The following TAF1B variants were observed in gnomAD, a reference collection of about 807,000 sequenced individuals.
The protein encoded by TAF1B is TATA-box binding protein associated factor, RNA polymerase I subunit B.
Under a neutral mutation model 83.9 loss-of-function variants are expected in TAF1B, and 61 were observed. The ratio of observed to expected loss-of-function variants is 0.73; its 90% CI spans 0.59 to 0.90. The LOEUF is 0.90. Among genes scored for constraint, TAF1B ranks in the 40% least tolerant of loss-of-function variants. The probability of loss-of-function intolerance (pLI) is 0.00; values close to 1 mark genes in which losing one functional copy is unlikely to be tolerated. For missense variants in TAF1B, 625 were observed against 677.0 expected, an observed-to-expected ratio of 0.92 and a Z score of 0.85; for synonymous variants, 221 against 224.6, an observed-to-expected ratio of 0.98 and a Z score of 0.14.
intron 5 of TAF1B, among the ~76,000 whole-genome samples, chr2:9,867,687 ACT>A (rs79862758): frequency 0.18 from 27,247 of 151,972 alleles, 3,092 homozygotes; most frequent in East Asian, 0.31. Flanking sequence ...TTTTAGGGAC[ACT>A]CTGTTGTTTC....
chr2:9,886,058 T>A (rs944022491), intron 8 of TAF1B, among the ~76,000 whole-genome samples: 1 of 152,160 alleles, frequency 6.6e-6, no homozygotes, highest in Non-Finnish European at 1.5e-5. Flanking sequence ...GTAAACCTAT[T>A]CTTCATTAGG....
At chr2:9,855,227 G>A (rs1026987187) in intron 5 of TAF1B, among the ~76,000 whole-genome samples, 2 of 152,116 alleles carry the variant, frequency 1.3e-5, no homozygotes, top group Admixed American at 6.6e-5. Flanking sequence ...GCTCCTGACC[G>A]CAGATGATCC....
intron 14 of TAF1B, among the ~76,000 whole-genome samples, chr2:9,921,154 C>T (rs947738855): frequency 2.0e-5 from 3 of 152,142 alleles, no homozygotes; most frequent in Non-Finnish European, 4.4e-5. Context: ...TACAGTGGCA[C>T]GATAATGGCT....
intron 7 of TAF1B, among the ~76,000 whole-genome samples, chr2:9,881,458 C>T (rs1664505547): frequency 1.3e-5 from 2 of 152,112 alleles, no homozygotes; most frequent in Admixed American, 6.5e-5. Flanking sequence ...AGCTCACTTT[C>T]CTTAATTTTC....
At chr2:9,851,472 G>A in intron 3 of TAF1B, 69 bp from the exon 4 acceptor site, 6 of 1,193,344 alleles carry the variant, frequency 5.0e-6, no homozygotes, top group Non-Finnish European at 7.0e-6. Context: ...AACACAAATT[G>A]TAACTGTAGT....
intron 9 of TAF1B, among the ~76,000 whole-genome samples, chr2:9,908,933 C>G (rs770474198): frequency 6.6e-6 from 1 of 152,128 alleles, no homozygotes; most frequent in Non-Finnish European, 1.5e-5. Context: ...CTTAAGTACC[C>G]AGAACACACT....
intron 6 of TAF1B, among the ~76,000 whole-genome samples, chr2:9,873,390 T>C (rs1664227752): frequency 6.6e-6 from 1 of 152,212 alleles, no homozygotes; most frequent in Non-Finnish European, 1.5e-5. Flanking sequence ...GGGTCATTCC[T>C]AGTCCTGCTG....
intron 5 of TAF1B, among the ~76,000 whole-genome samples, chr2:9,865,792 A>G (rs1663953589): frequency 6.6e-6 from 1 of 151,600 alleles, no homozygotes; most frequent in Non-Finnish European, 1.5e-5. Context: ...CATATCTACA[A>G]CTATCTGATC....
intron 14 of TAF1B, among the ~76,000 whole-genome samples, chr2:9,921,226 G>A (rs1248214895): frequency 6.6e-6 from 1 of 152,038 alleles, no homozygotes; most frequent in Non-Finnish European, 1.5e-5. Context: ...CAAGTAGCTG[G>A]AACTACACGT....
chr2:9,894,802 G>A (rs1404793814), intron 8 of TAF1B, among the ~76,000 whole-genome samples: 1 of 152,154 alleles, frequency 6.6e-6, no homozygotes, highest in Non-Finnish European at 1.5e-5. Flanking sequence ...TGCTGCAAGA[G>A]TAATCACATG....
chr2:9,924,579 G>A (rs1376641641), intron 14 of TAF1B, among the ~76,000 whole-genome samples: 1 of 152,156 alleles, frequency 6.6e-6, no homozygotes, highest in Middle Eastern at 3.2e-3. Context: ...CCTTCGTGGT[G>A]GGTTTTATTA....
chr2:9,895,723 G>C (rs1664996793), intron 8 of TAF1B, among the ~76,000 whole-genome samples: 1 of 150,970 alleles, frequency 6.6e-6, no homozygotes, highest in African/African-American at 2.4e-5. Flanking sequence ...ATAACAGTTT[G>C]GTTTAACAGG....
chr2:9,920,603 C>A (rs1173035412), intron 14 of TAF1B, among the ~76,000 whole-genome samples: 1 of 151,512 alleles, frequency 6.6e-6, no homozygotes, highest in Admixed American at 6.6e-5. Context: ...TCCATTTGCC[C>A]CTCAGGTGTT....
intron 12 of TAF1B, among the ~76,000 whole-genome samples, chr2:9,916,725 T>G (rs2125176751): frequency 6.6e-6 from 1 of 152,230 alleles, no homozygotes; most frequent in South Asian, 2.1e-4. Flanking sequence ...ATTTTAAATG[T>G]GGTATGGTTC....
chr2:9,868,411 A>G lies in TAF1B; in HGVS notation c.535A>G (p.Ser179Gly). Reference protein sequence around the residue: ...DIHTRKPFPVSKASQSETSVC... With the variant: ...DIHTRKPFPVGKASQSETSVC... ...CCACACTCGAAAACCTTTCCCCGTC[A>G]GCAAAGCATCACAATCAGGTAAAAA... The change falls in exon 6 of 15, where the codon AGC (serine) becomes GGC (glycine). Residue 179 changes from serine (S) to glycine (G), a missense_variant. Coordinates refer to ENST00000263663, the MANE Select transcript of TAF1B (RefSeq NM_005680.3). The G allele has an allele frequency of 6.2e-7, 1 of 1,612,652 alleles. No homozygotes were observed. The highest frequency in any genetic ancestry group is 8.5e-7 in the Non-Finnish European group (1 of 1,179,130).
chr2:9,916,155 GTGTT>G (rs1436593349), intron 12 of TAF1B, among the ~76,000 whole-genome samples: 1 of 152,194 alleles, frequency 6.6e-6, no homozygotes, highest in Non-Finnish European at 1.5e-5. Flanking sequence ...GCAACTGTAT[GTGTT>G]TGTCAGTGCT....
chr2:9,859,313 A>G (rs1663672282), intron 5 of TAF1B, among the ~76,000 whole-genome samples: 1 of 151,900 alleles, frequency 6.6e-6, no homozygotes, highest in South Asian at 2.1e-4. Context: ...CCTTTACTCC[A>G]GTTCCCAATA....
At chr2:9,866,619 A>T (rs976260237) in intron 5 of TAF1B, among the ~76,000 whole-genome samples, 4 of 152,220 alleles carry the variant, frequency 2.6e-5, no homozygotes, top group African/African-American at 9.6e-5. Flanking sequence ...TCATGCTGCT[A>T]TAAAGACACA....
chr2:9,874,170 G>A (rs1332543988), intron 6 of TAF1B, among the ~76,000 whole-genome samples: 2 of 152,038 alleles, frequency 1.3e-5, no homozygotes, highest in Non-Finnish European at 2.9e-5. Context: ...GTAGATTTAC[G>A]TAGAAACTAT....
Sources: gnomAD v4.1 joint callset for allele counts (sites outside exome capture counted in the v4.1 genomes callset) on GRCh38, gnomAD v4.1.1 for gene constraint, MANE v1.5 for transcripts, NCBI Gene and HGNC (gene_info 2026-07-23, HGNC 2026-07-21) for gene names.